CFAP299: variants seen among roughly 807,000 people sequenced by gnomAD.
The protein encoded by CFAP299 is cilia and flagella associated protein 299, also known as cilia- and flagella-associated protein 299.
Under a neutral mutation model 27.0 loss-of-function variants are expected in CFAP299, and 21 were observed. The ratio of observed to expected loss-of-function variants is 0.78; its 90% CI spans 0.55 to 1.12. The LOEUF (loss-of-function observed/expected upper bound fraction) is 1.12, where lower values mean the gene tolerates loss of function less well. CFAP299 is among the 50% of genes most tolerant of loss of function. The probability of loss-of-function intolerance (pLI) is 0.00; values close to 1 mark genes in which losing one functional copy is unlikely to be tolerated. For synonymous variants in CFAP299, 104 were observed against 98.1 expected (o/e 1.06, Z -0.36); for missense variants, 310 against 276.6 (o/e 1.12, Z -0.86).
At chr4:80,638,269 G>A (rs1469546598) in intron 3 of CFAP299, among the ~76,000 whole-genome samples, 1 of 152,082 alleles carries the variant, frequency 6.6e-6, no homozygotes, top group African/African-American at 2.4e-5. Flanking sequence ...TTAGTAATGG[G>A]GTGTGGAAGG....
chr4:80,551,800 T>C (rs1191148972), intron 2 of CFAP299, among the ~76,000 whole-genome samples: 1 of 152,058 alleles, frequency 6.6e-6, no homozygotes, highest in East Asian at 1.9e-4. Context: ...CAGGCTGGAA[T>C]GCAGTGGTGC....
intron 3 of CFAP299, among the ~76,000 whole-genome samples, chr4:80,851,898 ATATGAT>A: frequency 8.6e-6 from 1 of 116,898 alleles, no homozygotes; most frequent in Non-Finnish European, 1.8e-5. Flanking sequence ...AACCCTGGCG[ATATGAT>A]TTGTCAGGAA....
intron 3 of CFAP299, among the ~76,000 whole-genome samples, chr4:80,603,434 G>A (rs1453070100): frequency 6.6e-6 from 1 of 151,940 alleles, no homozygotes; most frequent in Non-Finnish European, 1.5e-5. Context: ...ATATATACAT[G>A]CACACACGCA....
chr4:80,357,210 C>A (rs1723321098), intron 1 of CFAP299, among the ~76,000 whole-genome samples: 1 of 152,092 alleles, frequency 6.6e-6, no homozygotes, highest in African/African-American at 2.4e-5. Flanking sequence ...GGTGGATAAG[C>A]TTTTGATGTG....
intron 2 of CFAP299, among the ~76,000 whole-genome samples, chr4:80,547,958 A>G (rs1734322756): frequency 2.0e-5 from 3 of 152,176 alleles, no homozygotes; most frequent in Admixed American, 1.3e-4. Context: ...ACTGTGGAAT[A>G]CAATTTAGTG....
chr4:80,698,038 A>G (rs758201190), intron 3 of CFAP299, among the ~76,000 whole-genome samples: 3 of 152,234 alleles, frequency 2.0e-5, no homozygotes, highest in African/African-American at 7.2e-5. Flanking sequence ...CAAATATGAC[A>G]AAAAATTGTC....
chr4:80,507,406 C>G (rs1355709625), intron 2 of CFAP299, among the ~76,000 whole-genome samples: 1 of 151,938 alleles, frequency 6.6e-6, no homozygotes, highest in Non-Finnish European at 1.5e-5. Context: ...TATTTGGGTG[C>G]CTTTATAAAG....
chr4:80,798,592 T>G (rs561114548), intron 3 of CFAP299, among the ~76,000 whole-genome samples: 2 of 152,066 alleles, frequency 1.3e-5, no homozygotes, highest in Non-Finnish European at 2.9e-5. Flanking sequence ...TGTCTTTTTT[T>G]CCACAATTTC....
intron 2 of CFAP299, among the ~76,000 whole-genome samples, chr4:80,441,499 A>C (rs1428175528): frequency 6.6e-6 from 1 of 152,206 alleles, no homozygotes; most frequent in Non-Finnish European, 1.5e-5. Flanking sequence ...ACAGACAAAC[A>C]AATGCTGAGA....
intron 3 of CFAP299, among the ~76,000 whole-genome samples, chr4:80,618,854 A>G (rs1472115806): frequency 6.6e-6 from 1 of 152,050 alleles, no homozygotes; most frequent in Non-Finnish European, 1.5e-5. Flanking sequence ...AAAATAAACT[A>G]CTAATCGTGG....
intron 2 of CFAP299, among the ~76,000 whole-genome samples, chr4:80,476,379 T>A (rs753926016): frequency 2.6e-5 from 4 of 152,184 alleles, no homozygotes; most frequent in Non-Finnish European, 4.4e-5. Flanking sequence ...AGAGATTATA[T>A]GCCAAATTCA....
At chr4:80,585,619 G>A (rs1736396756) in intron 3 of CFAP299, among the ~76,000 whole-genome samples, 1 of 152,126 alleles carries the variant, frequency 6.6e-6, no homozygotes, top group Non-Finnish European at 1.5e-5. Flanking sequence ...TGTGGACAGA[G>A]CTACTGAGAT....
chr4:80,458,560 A>T (rs1026925606), intron 2 of CFAP299, among the ~76,000 whole-genome samples: 2 of 152,198 alleles, frequency 1.3e-5, no homozygotes, highest in South Asian at 2.1e-4. Flanking sequence ...GTTGTTTAAG[A>T]CAAGAGCTCT....
At chr4:80,682,733 G>T (rs1203926836) in intron 3 of CFAP299, among the ~76,000 whole-genome samples, 1 of 152,062 alleles carries the variant, frequency 6.6e-6, no homozygotes, top group African/African-American at 2.4e-5. Flanking sequence ...TGCATTTAAT[G>T]CCTATTCCTC....
intron 3 of CFAP299, among the ~76,000 whole-genome samples, chr4:80,760,079 T>G (rs978471454): frequency 6.6e-6 from 1 of 152,176 alleles, no homozygotes; most frequent in Non-Finnish European, 1.5e-5. Flanking sequence ...TCTTTATCTA[T>G]CTTTTTAAAT....
At chr4:80,601,249 G>T (rs1383293910) in intron 3 of CFAP299, among the ~76,000 whole-genome samples, 2 of 152,078 alleles carry the variant, frequency 1.3e-5, no homozygotes, top group African/African-American at 4.8e-5. Context: ...TTTATCATGT[G>T]ACATTATTTA....
intron 3 of CFAP299, among the ~76,000 whole-genome samples, chr4:80,653,304 T>G (rs755620767): frequency 4.6e-5 from 7 of 152,152 alleles, no homozygotes; most frequent in Non-Finnish European, 7.4e-5. Context: ...CCTCTCCATT[T>G]TTAGTGATGT....
chr4:80,535,315 T>A (rs988220153), intron 2 of CFAP299, among the ~76,000 whole-genome samples: 1 of 151,828 alleles, frequency 6.6e-6, no homozygotes, highest in African/African-American at 2.4e-5. Context: ...GGAAAAATAT[T>A]TAATTTCACA....
intron 3 of CFAP299, among the ~76,000 whole-genome samples, chr4:80,672,200 G>A (rs1014472463): frequency 6.6e-6 from 1 of 152,188 alleles, no homozygotes; most frequent in Non-Finnish European, 1.5e-5. Flanking sequence ...TTTATTAAGA[G>A]TTTTTAGCAT....
Sources: gnomAD v4.1 joint callset for allele counts (sites outside exome capture counted in the v4.1 genomes callset) on GRCh38, gnomAD v4.1.1 for gene constraint, MANE v1.5 for transcripts, NCBI Gene and HGNC (gene_info 2026-07-23, HGNC 2026-07-21) for gene names.